Variants in MGAT5 observed in about 807,000 individuals in gnomAD.
MGAT5 encodes the protein alpha-1,6-mannosylglycoprotein 6-beta-N-acetylglucosaminyltransferase, also known as alpha-1,6-mannosylglycoprotein 6-beta-N-acetylglucosaminyltransferase A.
Under a neutral mutation model 94.3 loss-of-function variants are expected in MGAT5, and 30 were observed. The observed-to-expected ratio is 0.32, with a 90% CI of 0.24 to 0.43. MGAT5 has a LOEUF of 0.43. MGAT5 is among the 20% of genes least tolerant of loss of function. The probability of loss-of-function intolerance (pLI) is 1.00; values close to 1 mark genes in which losing one functional copy is unlikely to be tolerated. For missense variants in MGAT5, 691 were observed against 905.5 expected (o/e 0.76, Z 3.04); for synonymous variants, 310 against 322.9 (o/e 0.96, Z 0.43).
At chr2:134,426,650 C>T (rs1684605343) in intron 13 of MGAT5, among the ~76,000 whole-genome samples, 1 of 152,030 alleles carries the variant, frequency 6.6e-6, no homozygotes, top group African/African-American at 2.4e-5. Context: ...TGAGAGGAAA[C>T]TTATCTCTAG....
At chr2:134,316,108 A>G (rs139681623) in intron 2 of MGAT5, among the ~76,000 whole-genome samples, 3 of 152,334 alleles carry the variant, frequency 2.0e-5, no homozygotes, top group African/African-American at 7.2e-5. Context: ...TCTGGAAAAT[A>G]TAGTAGCTCT....
intron 10 of MGAT5, among the ~76,000 whole-genome samples, chr2:134,363,824 G>C (rs759925630): frequency 2.0e-5 from 3 of 152,222 alleles, no homozygotes; most frequent in Non-Finnish European, 4.4e-5. Flanking sequence ...TGCTTTCCTT[G>C]TATAAAAATG....
Position 134,260,252 on chromosome 2 carries a change from T to C in MGAT5, c.241+5608T>C, listed in dbSNP as rs1683236549. Among the ~76,000 whole-genome samples, 3 of 152,224 alleles carry C rather than the reference T, an allele frequency of 2.0e-5. No homozygotes were observed. The South Asian group carries it at 6.2e-4, about 32-fold the overall frequency. ...GAAACCAGATGTTGACCTCACCCTATAGTTCACTGCTTTCTCTATGGGAGG... is the reference window on the plus strand; with the variant it reads ...GAAACCAGATGTTGACCTCACCCTACAGTTCACTGCTTTCTCTATGGGAGG... On this transcript the variant is annotated intron_variant, in intron 1 of 15. Coordinates refer to ENST00000281923, the MANE Select transcript of MGAT5 (RefSeq NM_002410.5).
intron 1 of MGAT5, among the ~76,000 whole-genome samples, chr2:134,143,560 G>A (rs775681221): frequency 3.3e-5 from 5 of 152,200 alleles, no homozygotes; most frequent in African/African-American, 1.2e-4. Flanking sequence ...CCTGGGAAGC[G>A]TTGGAATGAA....
Position 134,348,270 on chromosome 2 carries a change from G to T in MGAT5, c.1113-1535G>T, listed in dbSNP as rs140729693. On this transcript the variant is annotated intron_variant, in intron 8 of 15. Coordinates refer to ENST00000281923, the MANE Select transcript of MGAT5 (RefSeq NM_002410.5). ...TGGGCTTTATTTCTGCCCACCTATC[G>T]GCCACGAGGCCAATGACATATCTTT... Among the ~76,000 whole-genome samples the T allele has an allele frequency of 3.4e-4, 51 of 152,128 alleles. No individual in the cohort carries two copies. In the East Asian group the frequency reaches 9.7e-3, roughly 29 times the overall value.
At position 134,254,320 on chromosome 2, in the gene MGAT5, ACT is replaced by A; in HGVS notation, c.-80_-79del. On this transcript the variant is annotated 5_prime_UTR_variant, in exon 1 of 16. Coordinates refer to ENST00000281923, the MANE Select transcript of MGAT5 (RefSeq NM_002410.5). ...ACAGGAGCCAGAGTGAGACCAGCAG[ACT>A]CTCACACTCAACCTACACCATGAAT... is the stretch of plus-strand genomic sequence containing the variant. 2.7e-6 allele frequency: 4 copies of A among 1,504,356 alleles called. No individual in the cohort carries two copies. The highest frequency in any genetic ancestry group is 2.3e-5 in the East Asian group (1 of 44,096). The allele number at this position is 1,504,356 out of a possible 1,614,324, so 93.2% of individuals were successfully genotyped here.
At chr2:134,262,689 G>A (rs746590629) in intron 1 of MGAT5, among the ~76,000 whole-genome samples, 1 of 152,284 alleles carries the variant, frequency 6.6e-6, no homozygotes, top group South Asian at 2.1e-4. Flanking sequence ...CCCAACCAGC[G>A]CTTAATTAAA....
intron 1 of MGAT5, among the ~76,000 whole-genome samples, chr2:134,123,112 A>G (rs1165788728): frequency 3.3e-5 from 5 of 152,208 alleles, no homozygotes; most frequent in Non-Finnish European, 7.3e-5. Flanking sequence ...AGGAATTCAC[A>G]TAATCTCTCC....
intron 1 of MGAT5, among the ~76,000 whole-genome samples, chr2:134,126,338 T>C (rs1459870502): frequency 6.6e-6 from 1 of 152,240 alleles, no homozygotes; most frequent in Non-Finnish European, 1.5e-5. Context: ...TGTGACCACT[T>C]TGGGCCTCAG....
intron 1 of MGAT5, among the ~76,000 whole-genome samples, chr2:134,222,673 T>C (rs1680844907): frequency 6.6e-6 from 1 of 152,272 alleles, no homozygotes; most frequent in South Asian, 2.1e-4. Flanking sequence ...AGAAAAGCTT[T>C]TGTCACAGGA....
chr2:134,142,200 GA>G (rs773527455), intron 1 of MGAT5, among the ~76,000 whole-genome samples: 1 of 152,202 alleles, frequency 6.6e-6, no homozygotes, highest in Non-Finnish European at 1.5e-5. Context: ...CTGAGCCTGA[GA>G]GGGGAAAGGT....
At chr2:134,365,315 A>G (rs373218066) in intron 10 of MGAT5, among the ~76,000 whole-genome samples, 6 of 152,136 alleles carry the variant, frequency 3.9e-5, no homozygotes, top group East Asian at 1.9e-4. Flanking sequence ...ACTCCCTCCA[A>G]TGTTGGCTGA....
At chr2:134,255,093 C>T (rs1682852680) in intron 1 of MGAT5, among the ~76,000 whole-genome samples, 1 of 152,152 alleles carries the variant, frequency 6.6e-6, no homozygotes, top group Non-Finnish European at 1.5e-5. Context: ...GTGTTCCTCC[C>T]TCCAGCCAAT....
chr2:134,189,597 T>C (rs374772456), intron 1 of MGAT5, among the ~76,000 whole-genome samples: 1 of 87,140 alleles, frequency 1.1e-5, no homozygotes. Context: ...CTCTAGTTTT[T>C]TTTTGTTTTT....
intron 1 of MGAT5, among the ~76,000 whole-genome samples, chr2:134,237,119 G>GTATA (rs151015696): frequency 1.3e-3 from 169 of 127,204 alleles, no homozygotes; most frequent in Admixed American, 3.0e-3. Context: ...TGTAGAAGGA[G>GTATA]TATATGTGTG....
intron 2 of MGAT5, among the ~76,000 whole-genome samples, chr2:134,274,022 T>G (rs754290976): frequency 1.3e-5 from 2 of 152,214 alleles, no homozygotes; most frequent in Non-Finnish European, 2.9e-5. Context: ...CATTCTGTCT[T>G]TCTCTAGTTT....
chr2:134,300,093 C>T (rs1008007330), intron 2 of MGAT5, among the ~76,000 whole-genome samples: 6 of 152,166 alleles, frequency 3.9e-5, no homozygotes, highest in African/African-American at 1.2e-4. Flanking sequence ...ATTCCTTACA[C>T]TGTTGGTTGT....
intron 10 of MGAT5, among the ~76,000 whole-genome samples, chr2:134,378,310 T>C (rs924572874): frequency 1.3e-5 from 2 of 152,184 alleles, no homozygotes; most frequent in African/African-American, 2.4e-5. Flanking sequence ...CTCAGGACTT[T>C]GTGACTGGGA....
chr2:134,276,495 T>G (rs1443972600), intron 2 of MGAT5, among the ~76,000 whole-genome samples: 1 of 152,114 alleles, frequency 6.6e-6, no homozygotes, highest in Non-Finnish European at 1.5e-5. Flanking sequence ...AGAGAGTAAA[T>G]TAAATAAGTT....
Sources: gnomAD v4.1 joint callset for allele counts (sites outside exome capture counted in the v4.1 genomes callset) on GRCh38, gnomAD v4.1.1 for gene constraint, MANE v1.5 for transcripts, NCBI Gene and HGNC (gene_info 2026-07-23, HGNC 2026-07-21) for gene names.